KIAA0232: variants seen among roughly 807,000 people sequenced by gnomAD.
KIAA0232 encodes the protein uncharacterized protein KIAA0232.
In KIAA0232, 27 loss-of-function variants were observed where a neutral mutation model predicts 122.0. That is an observed-to-expected ratio of 0.22 (90% CI 0.16 to 0.31). The LOEUF (loss-of-function observed/expected upper bound fraction) is 0.31, where lower values mean the gene tolerates loss of function less well. Ranked by LOEUF, KIAA0232 falls within the 10% of genes least tolerant of loss-of-function variation. The probability of loss-of-function intolerance (pLI) is 1.00; values close to 1 mark genes in which losing one functional copy is unlikely to be tolerated. For synonymous variants in KIAA0232, 613 were observed against 587.6 expected (o/e 1.04, Z -0.63); for missense variants, 1,551 against 1,634.2 (o/e 0.95, Z 0.88).
At chr4:6,853,005 G>A (rs79424099) in intron 4 of KIAA0232, among the ~76,000 whole-genome samples, 3,767 of 152,312 alleles carry the variant, frequency 0.025, 280 homozygotes, top group East Asian at 0.19. Flanking sequence ...CCTTTCCTCT[G>A]ACAGTTACTT....
At chr4:6,814,989 G>C (rs932813576) in intron 2 of KIAA0232, among the ~76,000 whole-genome samples, 1 of 151,954 alleles carries the variant, frequency 6.6e-6, no homozygotes, top group African/African-American at 2.4e-5. Context: ...AGAAAGATAA[G>C]ATGATTTGAA....
At chr4:6,847,340 C>T (rs11734682) in intron 4 of KIAA0232, among the ~76,000 whole-genome samples, 123,632 of 152,186 alleles carry the variant, frequency 0.81, 50,963 homozygotes, top group Non-Finnish European at 0.9. Context: ...GATACTACAC[C>T]GTGCCTCCAC....
chr4:6,847,876 A>G (rs1720052797), intron 4 of KIAA0232, among the ~76,000 whole-genome samples: 1 of 150,134 alleles, frequency 6.7e-6, no homozygotes, highest in African/African-American at 2.4e-5. Flanking sequence ...AAAAAAAACT[A>G]CTTATATTTG....
intron 3 of KIAA0232, among the ~76,000 whole-genome samples, 174 bp downstream of exon 3, chr4:6,824,858 A>G (rs1718595908): frequency 6.6e-6 from 1 of 152,200 alleles, no homozygotes; most frequent in South Asian, 2.1e-4. Flanking sequence ...AGCCTGTGTC[A>G]TTGAGCACCC....
At chr4:6,843,927 C>G (rs1417842116) in intron 4 of KIAA0232, among the ~76,000 whole-genome samples, 1 of 46,316 alleles carries the variant, frequency 2.2e-5, no homozygotes, top group Admixed American at 3.4e-4. Flanking sequence ...AGTTACCCAT[C>G]TTTTTTTTTT....
chr4:6,863,378 A>G lies in KIAA0232; in HGVS notation c.2996A>G (p.Asn999Ser), dbSNP rs1720989989. Reference sequence around the variant, plus strand: ...AAACCCTTCGTGTCATTTGAACAGAATGATCAGCCGAAGAGTGGGGAAAAT... The same window carrying G: ...AAACCCTTCGTGTCATTTGAACAGAGTGATCAGCCGAAGAGTGGGGAAAAT... ...LWKPFVSFEQ[N>S]DQPKSGENGL... Residue 999 changes from asparagine to serine, a missense_variant, in exon 7 of 10, where the codon AAT (asparagine) becomes AGT (serine). Asn to Ser is a conservative substitution (Grantham distance 46). This residue lies in a region of KIAA0232 where 1,108 missense variants were observed against 1,154.8 expected (regional missense o/e 0.96). Transcript: ENST00000307659. 4 of 1,614,058 alleles carry G rather than the reference A, an allele frequency of 2.5e-6. No homozygotes were observed. In the Admixed American group the frequency reaches 6.7e-5, roughly 27 times the overall value.
At chr4:6,821,632 G>T (rs988804768) in intron 2 of KIAA0232, among the ~76,000 whole-genome samples, 1 of 150,480 alleles carries the variant, frequency 6.6e-6, no homozygotes, top group African/African-American at 2.5e-5. Context: ...ATATATATAC[G>T]TGTATATAGA....
chr4:6,871,511 G>C, intron 7 of KIAA0232, 63 bp from the exon 8 acceptor site: 2 of 926,518 alleles, frequency 2.2e-6, no homozygotes, highest in Non-Finnish European at 3.4e-6. Flanking sequence ...AATAATGCTT[G>C]AATATTCTTC....
intron 4 of KIAA0232, among the ~76,000 whole-genome samples, chr4:6,851,964 T>C (rs551958188): frequency 2.6e-5 from 4 of 152,202 alleles, no homozygotes; most frequent in Non-Finnish European, 4.4e-5. Context: ...GTTACCTTTT[T>C]CTAAGCCTCG....
At chr4:6,874,005 G>C (rs1721627014) in intron 8 of KIAA0232, among the ~76,000 whole-genome samples, 1 of 152,178 alleles carries the variant, frequency 6.6e-6, no homozygotes, top group Non-Finnish European at 1.5e-5. Flanking sequence ...GCCAGGGGCT[G>C]ACCTGGGAGC....
intron 3 of KIAA0232, among the ~76,000 whole-genome samples, chr4:6,827,427 G>GGGTGAAGATGTGTGCCACCTT (rs1410804089): frequency 1.3e-5 from 2 of 152,224 alleles, no homozygotes; most frequent in Admixed American, 6.5e-5. Flanking sequence ...TGACAGACCT[G>GGGTGAAGATGTGTGCCACCTT]GGTGAAGATG....
At chr4:6,860,767 TTAA>T in intron 6 of KIAA0232, 131 bp from the exon 7 acceptor site, 1 of 791,700 alleles carries the variant, frequency 1.3e-6, no homozygotes, top group African/African-American at 1.7e-5. Flanking sequence ...TATTGTAAAG[TTAA>T]TGATTCTTGG....
chr4:6,873,261 A>G (rs1171989345), intron 8 of KIAA0232, among the ~76,000 whole-genome samples: 1 of 152,224 alleles, frequency 6.6e-6, no homozygotes, highest in Non-Finnish European at 1.5e-5. Context: ...ATGGGCTAGA[A>G]TGTAGGTTGT....
At chr4:6,853,051 G>A (rs1411525218) in intron 4 of KIAA0232, among the ~76,000 whole-genome samples, 1 of 152,126 alleles carries the variant, frequency 6.6e-6, no homozygotes, top group African/African-American at 2.4e-5. Flanking sequence ...CTGGACTTTG[G>A]GATACTAGGC....
chr4:6,816,315 C>T (rs1302146115), intron 2 of KIAA0232, among the ~76,000 whole-genome samples: 1 of 150,516 alleles, frequency 6.6e-6, no homozygotes. Context: ...CGGAGCCTCG[C>T]TCTGTTGCCC....
chr4:6,835,031 A>G (rs1719187856), intron 3 of KIAA0232, among the ~76,000 whole-genome samples: 2 of 152,208 alleles, frequency 1.3e-5, no homozygotes, highest in Admixed American at 1.3e-4. Flanking sequence ...TGATTCACCC[A>G]AAGTCACTCA....
intron 2 of KIAA0232, among the ~76,000 whole-genome samples, chr4:6,823,968 G>A (rs946275478): frequency 6.6e-6 from 1 of 152,216 alleles, no homozygotes. Context: ...TCCCGCTTCA[G>A]CCTTCCAACT....
chr4:6,786,259 A>G (rs181496667), intron 1 of KIAA0232, among the ~76,000 whole-genome samples: 1 of 152,318 alleles, frequency 6.6e-6, no homozygotes, highest in Admixed American at 6.5e-5. Context: ...ATTATAAAGT[A>G]TATTTATTTT....
At chr4:6,879,810 C>T (rs1249081402) in intron 9 of KIAA0232, among the ~76,000 whole-genome samples, 1 of 109,074 alleles carries the variant, frequency 9.2e-6, no homozygotes, top group Admixed American at 8.6e-5. Context: ...CTTCCCAACA[C>T]ACCCATCTGC....
Sources: allele counts gnomAD v4.1 joint callset (sites outside exome capture counted in the v4.1 genomes callset), GRCh38; gene constraint gnomAD v4.1.1; regional missense constraint gnomAD v4.1.1; transcripts MANE v1.5; gene names NCBI Gene and HGNC (gene_info 2026-07-23, HGNC 2026-07-21).